MEGF11: variants seen among roughly 807,000 people sequenced by gnomAD.
MEGF11 encodes the protein multiple EGF like domains 11, also known as multiple epidermal growth factor-like domains protein 11.
A neutral mutation model predicts 146.6 loss-of-function variants in MEGF11; 126 were observed. That is an observed-to-expected ratio of 0.86 (90% CI 0.74 to 1.00). The LOEUF (loss-of-function observed/expected upper bound fraction) is 1.00. Among genes scored for constraint, MEGF11 ranks in the 50% least tolerant of loss-of-function variants. The pLI, the probability that MEGF11 is intolerant of heterozygous loss-of-function variation, is 0.00. For synonymous variants in MEGF11, 532 were observed against 583.4 expected, an observed-to-expected ratio of 0.91 and a Z score of 1.27; for missense variants, 1,509 against 1,521.2, an observed-to-expected ratio of 0.99 and a Z score of 0.13.
intron 1 of MEGF11, among the ~76,000 whole-genome samples, chr15:66,134,704 G>C (rs1187521030): frequency 6.6e-6 from 1 of 152,250 alleles, no homozygotes; most frequent in Admixed American, 6.5e-5. Context: ...AGCTACAGGG[G>C]CCCAGCGGGG....
At chr15:66,169,223 T>G (rs1204691649) in intron 1 of MEGF11, among the ~76,000 whole-genome samples, 1 of 152,178 alleles carries the variant, frequency 6.6e-6, no homozygotes, top group Non-Finnish European at 1.5e-5. Context: ...TCAATACACA[T>G]TCGCTGAAGG....
intron 6 of MEGF11, among the ~76,000 whole-genome samples, chr15:65,981,110 T>A: frequency 6.6e-6 from 1 of 152,066 alleles, no homozygotes; most frequent in East Asian, 1.9e-4. Flanking sequence ...CCAATACTTG[T>A]GGGATGACTT....
chr15:66,209,534 G>C (rs534877688), intron 1 of MEGF11, among the ~76,000 whole-genome samples: 3 of 152,208 alleles, frequency 2.0e-5, no homozygotes, highest in African/African-American at 7.2e-5. Context: ...AGAGTGAATA[G>C]TTAAACAAAC....
At chr15:65,931,023 C>T in intron 10 of MEGF11, 80 bp from the exon 11 acceptor site, 1 of 1,399,226 alleles carries the variant, frequency 7.1e-7, no homozygotes, top group Non-Finnish European at 9.5e-7. Flanking sequence ...ATGACCCCTG[C>T]TGCCCCCAAC....
At chr15:65,930,281 G>A (rs1372434638) in intron 11 of MEGF11, among the ~76,000 whole-genome samples, 2 of 152,128 alleles carry the variant, frequency 1.3e-5, no homozygotes, top group African/African-American at 4.8e-5. Context: ...CCCCTTCCCT[G>A]TTCATGGTGG....
chr15:66,159,957 G>C (rs918794633), intron 1 of MEGF11, among the ~76,000 whole-genome samples: 2 of 152,278 alleles, frequency 1.3e-5, no homozygotes, highest in Middle Eastern at 6.8e-3. Flanking sequence ...GCAGGAAACA[G>C]CATAAGAGAT....
At chr15:66,206,555 A>G (rs1241245202) in intron 1 of MEGF11, among the ~76,000 whole-genome samples, 1 of 152,148 alleles carries the variant, frequency 6.6e-6, no homozygotes, top group Non-Finnish European at 1.5e-5. Context: ...TATTTTTTTA[A>G]AAAGAACTAA....
At chr15:66,077,263 C>T (rs991920616) in intron 5 of MEGF11, among the ~76,000 whole-genome samples, 3 of 152,218 alleles carry the variant, frequency 2.0e-5, no homozygotes, top group Non-Finnish European at 4.4e-5. Context: ...CCTCTCTTTC[C>T]ATATCTGATG....
intron 4 of MEGF11, among the ~76,000 whole-genome samples, chr15:66,098,913 C>A (rs1039597460): frequency 6.6e-6 from 1 of 152,192 alleles, no homozygotes; most frequent in Non-Finnish European, 1.5e-5. Context: ...ACCACTCATT[C>A]TTTACAGTTC....
At chr15:65,912,037 A>G (rs900322158) in intron 21 of MEGF11, 45 bp downstream of exon 21, 1 of 1,102,192 alleles carries the variant, frequency 9.1e-7, no homozygotes, top group Non-Finnish European at 1.2e-6. Flanking sequence ...TGAGGGTTAA[A>G]TGAGAGGGCA....
chr15:66,189,694 C>T (rs1478344822), intron 1 of MEGF11, among the ~76,000 whole-genome samples: 1 of 152,138 alleles, frequency 6.6e-6, no homozygotes, highest in Non-Finnish European at 1.5e-5. Context: ...CCTCAGTTTC[C>T]TCATGGAAAA....
At chr15:65,915,291 T>C (rs922032621) in intron 19 of MEGF11, among the ~76,000 whole-genome samples, 179 bp downstream of exon 19, 2 of 152,194 alleles carry the variant, frequency 1.3e-5, no homozygotes, top group African/African-American at 2.4e-5. Flanking sequence ...ACTGAGAGAC[T>C]GCCTGCTCCT....
chr15:66,216,759 G>T (rs1442648344), intron 1 of MEGF11, among the ~76,000 whole-genome samples: 2 of 152,224 alleles, frequency 1.3e-5, no homozygotes, highest in African/African-American at 4.8e-5. Flanking sequence ...GAAAGGAGGA[G>T]GAGGGATATG....
Position 65,913,880 on chromosome 15 carries a change from AT to A in MEGF11, c.2566del (p.Met856CysfsTer38). ...RHSVGAVTGI[M>X]LLLFLIVVLL... is the part of the protein sequence containing the mutation. ...CACCACAATGAGGAATAACAGGAGC[AT>A]GATGCCTGTGACAGCACCCACCGAG... is the stretch of plus-strand genomic sequence containing the variant. On this transcript the variant is annotated frameshift_variant, in exon 20 of 26. Transcript: ENST00000395614. LOFTEE classifies it high-confidence loss of function. The A allele has an allele frequency of 1.2e-6, 2 of 1,613,986 alleles. No individual in the cohort carries two copies. Among genetic ancestry groups the A allele is most frequent in the Non-Finnish European group, 1.7e-6 (2 of 1,179,888 alleles).
intron 1 of MEGF11, among the ~76,000 whole-genome samples, chr15:66,212,102 C>T (rs2091474291): frequency 7.4e-5 from 2 of 27,076 alleles, no homozygotes; most frequent in African/African-American, 1.4e-4. Flanking sequence ...GCCAGTCTCC[C>T]GCAGGGCCTC....
At chr15:66,079,707 T>C (rs57288164) in intron 5 of MEGF11, among the ~76,000 whole-genome samples, 18,599 of 152,156 alleles carry the variant, frequency 0.12, 1,376 homozygotes, top group South Asian at 0.21. Context: ...GCGTTTGCCA[T>C]ACAGGGTCAT....
chr15:65,916,936 C>G lies in MEGF11; in HGVS notation c.2107G>C (p.Gly703Arg). ...CSQACPPGFW[G>R]PACFHACSCH... ...CTGCATGCGTGGAAGCAGGCGGGGC[C>G]CCAGAACCCGGGTGGGCAAGCTGGG... The change falls in exon 17 of 26, where the codon GGC becomes CGC. Residue 703 changes from glycine (G) to arginine (R), a missense_variant. By Grantham distance (125) the Gly-to-Arg change is moderately radical. Transcript: ENST00000395614. 1.3e-6 allele frequency: 2 copies of G among 1,530,042 alleles called. No individual in the cohort carries two copies. Among genetic ancestry groups the G allele is most frequent in the Non-Finnish European group, 1.8e-6 (2 of 1,135,878 alleles). 94.8% of individuals were successfully genotyped at this position (1,530,042 alleles called of 1,614,324 possible).
intron 7 of MEGF11, 134 bp downstream of exon 7, chr15:65,980,644 G>A (rs1052171617): frequency 5.5e-5 from 68 of 1,239,022 alleles, no homozygotes; most frequent in Middle Eastern, 2.5e-4. Context: ...AGTGATCTGC[G>A]GGCCTCGGCC....
Position 65,990,704 on chromosome 15 carries a change from A to G in MEGF11, c.395-8216T>C, listed in dbSNP as rs28438785. On this transcript the variant is annotated intron_variant, in intron 5 of 25. Transcript: ENST00000395614. ...AAGGAAGAAAGGAAGAGAAAGAAAG[A>G]AAGGAAGGAAGAAAGAAAGAAAGAA... is the stretch of plus-strand genomic sequence containing the variant. Among the ~76,000 whole-genome samples, 3 of 64,098 alleles carry G rather than the reference A, an allele frequency of 4.7e-5. No homozygotes were observed. The East Asian group carries it at 3.3e-3, about 70-fold the overall frequency. The allele number at this position is 64,098 out of a possible 152,430, so 42.1% of individuals were successfully genotyped here.
Sources: allele counts gnomAD v4.1 joint callset (sites outside exome capture counted in the v4.1 genomes callset), GRCh38; gene constraint gnomAD v4.1.1; transcripts MANE v1.5; gene names NCBI Gene and HGNC (gene_info 2026-07-23, HGNC 2026-07-21).